The following GCSAML variants were observed in gnomAD, a reference collection of about 807,000 sequenced individuals.
The protein encoded by GCSAML is germinal center associated signaling and motility like.
In GCSAML, 9 loss-of-function variants were observed where a neutral mutation model predicts 13.0. The ratio of observed to expected loss-of-function variants is 0.69; its 90% CI spans 0.42 to 1.21. GCSAML has a LOEUF of 1.21. Ranked by LOEUF, GCSAML falls within the 50% of genes most tolerant of loss-of-function variation. GCSAML has a pLI of 0.00. For missense variants in GCSAML, 143 were observed against 153.4 expected (o/e 0.93, Z 0.36); for synonymous variants, 37 against 52.9 (o/e 0.70, Z 1.31).
At chr1:247,544,215 C>T (rs1401055309), upstream of GCSAML, among the ~76,000 whole-genome samples, 1 of 152,118 alleles carries the variant, frequency 6.6e-6, no homozygotes. Flanking sequence ...AGAATTAGGC[C>T]ACAGATCTGT....
intron 1 of GCSAML, 32 bp from the exon 2 acceptor site, chr1:247,556,375 A>G (rs781642098): frequency 2.0e-6 from 3 of 1,527,650 alleles, no homozygotes; most frequent in Admixed American, 1.7e-5. Context: ...GGCAGTAACA[A>G]TCTCTCTTTT....
chr1:247,574,118 T>C, intron 4 of GCSAML, 25 bp from the exon 5 acceptor site: 1 of 1,612,848 alleles, frequency 6.2e-7, no homozygotes, highest in Non-Finnish European at 8.5e-7. Flanking sequence ...GGATCCTTGA[T>C]TTCTTTTCTC....
intron 3 of GCSAML, 31 bp from the exon 4 acceptor site, chr1:247,565,900 C>CTT: frequency 7.0e-7 from 1 of 1,437,202 alleles, no homozygotes; most frequent in Non-Finnish European, 9.4e-7. Flanking sequence ...GCTTTCCTTT[C>CTT]TTTCTTTTTT....
At chr1:247,532,000 C>T (rs751163683) in intron 2 of GCSAML, 6 of 1,614,134 alleles carry the variant, frequency 3.7e-6, no homozygotes, top group Non-Finnish European at 4.2e-6. Flanking sequence ...GCAATTGTTC[C>T]CACACAGCGG....
chr1:247,566,405 G>T (rs929314375), intron 4 of GCSAML, among the ~76,000 whole-genome samples: 1 of 152,052 alleles, frequency 6.6e-6, no homozygotes, highest in Non-Finnish European at 1.5e-5. Context: ...ACCACACCTG[G>T]CTAATTTTTT....
intron 2 of GCSAML, chr1:247,532,695 C>G: frequency 1.6e-6 from 1 of 609,718 alleles, no homozygotes; most frequent in South Asian, 2.1e-5. Context: ...CTCTTGGGAT[C>G]AAGCAATCCT....
At position 247,572,030 on chromosome 1, in the gene GCSAML, G is replaced by A. The variant is rs114033438; in HGVS notation, c.169-2113G>A. Among the ~76,000 whole-genome samples the A allele has an allele frequency of 5.9e-3, 890 of 152,108 alleles. 6 individuals are homozygous for A. The highest frequency in any genetic ancestry group is 7.5e-3 in the Non-Finnish European group (511 of 68,008). On this transcript the variant is annotated intron_variant, in intron 4 of 4. Coordinates refer to ENST00000366488, the MANE Select transcript of GCSAML (RefSeq NM_145278.5). ...CTTGTGTATGCTTCACGAAGTTTTC[G>A]TGCTATGTTTTTCAGCTCCATCAGG...
intron 4 of GCSAML, among the ~76,000 whole-genome samples, chr1:247,567,390 A>C (rs2103066736): frequency 6.6e-6 from 1 of 151,800 alleles, no homozygotes; most frequent in East Asian, 1.9e-4. Context: ...ATGTGTTCTC[A>C]TTGTTCAACT....
At position 247,570,200 on chromosome 1, in the gene GCSAML, A is replaced by G. The variant is rs188819175; in HGVS notation, c.169-3943A>G. Among the ~76,000 whole-genome samples the G allele has an allele frequency of 9.4e-4, 141 of 150,746 alleles. 2 individuals are homozygous for G. Among genetic ancestry groups the G allele is most frequent in the African/African-American group, 3.3e-3 (134 of 41,140 alleles). ...TTTTTGAAGGGTTTTTCATGTCTCT[A>G]TCTCCTTCAGTTCTGCTCTGATCTT... On this transcript the variant is annotated intron_variant, in intron 4 of 4. Transcript: ENST00000366488.
At chr1:247,508,295 T>G (rs188801215) in intron 1 of GCSAML, among the ~76,000 whole-genome samples, 189 of 152,368 alleles carry the variant, frequency 1.2e-3, no homozygotes, top group Non-Finnish European at 2.2e-3. Flanking sequence ...ATATGTTTGA[T>G]GGCCACATAA....
At chr1:247,532,405 T>G in intron 2 of GCSAML, 1 of 1,614,088 alleles carries the variant, frequency 6.2e-7, no homozygotes, top group Non-Finnish European at 8.5e-7. Context: ...CGATACCATG[T>G]AAAAACTCAA....
At chr1:247,550,841 A>G (rs1422255022) in intron 1 of GCSAML, among the ~76,000 whole-genome samples, 1 of 152,164 alleles carries the variant, frequency 6.6e-6, no homozygotes, top group Non-Finnish European at 1.5e-5. Flanking sequence ...CCTAGGTAAG[A>G]CAATGGTCTT....
At chr1:247,543,494 G>A (rs941928621) in intron 2 of GCSAML, among the ~76,000 whole-genome samples, 2 of 152,076 alleles carry the variant, frequency 1.3e-5, no homozygotes, top group African/African-American at 2.4e-5. Flanking sequence ...ACGGTTTCAG[G>A]CATCCACTGA....
At chr1:247,561,125 C>A (rs1668112737) in intron 2 of GCSAML, among the ~76,000 whole-genome samples, 1 of 151,774 alleles carries the variant, frequency 6.6e-6, no homozygotes, top group African/African-American at 2.4e-5. Flanking sequence ...GGCTAATATA[C>A]AACTTTTTTG....
chr1:247,542,719 A>G (rs923959618), intron 2 of GCSAML, among the ~76,000 whole-genome samples: 1 of 152,238 alleles, frequency 6.6e-6, no homozygotes, highest in Non-Finnish European at 1.5e-5. Context: ...CTGTGATGTG[A>G]AAGCTCCTCT....
At chr1:247,513,057 C>T (rs1313239333) in intron 1 of GCSAML, among the ~76,000 whole-genome samples, 2 of 152,206 alleles carry the variant, frequency 1.3e-5, no homozygotes, top group African/African-American at 2.4e-5. Context: ...AGATCCATTG[C>T]TCTCTTTGGA....
chr1:247,547,665 G>A (rs564374669), upstream of GCSAML, among the ~76,000 whole-genome samples: 4 of 152,300 alleles, frequency 2.6e-5, no homozygotes, highest in East Asian at 7.7e-4. Context: ...TTTCTAATAA[G>A]TTCTCAGAGA....
intron 1 of GCSAML, among the ~76,000 whole-genome samples, chr1:247,511,672 T>C (rs1414871121): frequency 6.6e-6 from 1 of 152,224 alleles, no homozygotes; most frequent in East Asian, 1.9e-4. Flanking sequence ...TTCCTTTCCA[T>C]GCTTCAGGAG....
At chr1:247,523,498 A>G (rs1666532094) in intron 1 of GCSAML, among the ~76,000 whole-genome samples, 1 of 152,176 alleles carries the variant, frequency 6.6e-6, no homozygotes, top group African/African-American at 2.4e-5. Flanking sequence ...AGGCATCAGG[A>G]CCCATAGCAA....
Sources: gnomAD v4.1 joint callset for allele counts (sites outside exome capture counted in the v4.1 genomes callset) on GRCh38, gnomAD v4.1.1 for gene constraint, MANE v1.5 for transcripts, NCBI Gene and HGNC (gene_info 2026-07-23, HGNC 2026-07-21) for gene names.